Variants in BEND5 observed in about 807,000 individuals in gnomAD.
BEND5 encodes BEN domain-containing protein 5.
Under a neutral mutation model 43.9 loss-of-function variants are expected in BEND5, and 22 were observed. That is an observed-to-expected ratio of 0.50 (90% CI 0.36 to 0.72). The LOEUF is 0.72. Among genes scored for constraint, BEND5 ranks in the 30% least tolerant of loss-of-function variants. The pLI is 0.00. For synonymous variants in BEND5, 228 were observed against 225.9 expected, an observed-to-expected ratio of 1.01 and a Z score of -0.08; for missense variants, 428 against 550.6, an observed-to-expected ratio of 0.78 and a Z score of 2.23.
At chr1:48,729,848 A>T (rs1162903557) in intron 5 of BEND5, among the ~76,000 whole-genome samples, 2 of 151,990 alleles carry the variant, frequency 1.3e-5, no homozygotes, top group Admixed American at 6.6e-5. Context: ...ACTATTCCCA[A>T]GCCTGACTAA....
At chr1:48,748,342 T>C (rs972539010) in intron 3 of BEND5, among the ~76,000 whole-genome samples, 9 of 152,314 alleles carry the variant, frequency 5.9e-5, no homozygotes, top group Non-Finnish European at 1.5e-5. Context: ...GAGACAAATC[T>C]GGTTTCATTC....
chr1:48,742,304 T>C (rs1200534129), intron 4 of BEND5, among the ~76,000 whole-genome samples: 1 of 152,168 alleles, frequency 6.6e-6, no homozygotes, highest in Admixed American at 6.5e-5. Context: ...GTGGGACAAG[T>C]TTCATCAAAC....
At chr1:48,764,517 T>C (rs1465189582) in intron 1 of BEND5, among the ~76,000 whole-genome samples, 1 of 152,126 alleles carries the variant, frequency 6.6e-6, no homozygotes, top group African/African-American at 2.4e-5. Context: ...AAAATGGTTA[T>C]GAAAGATGGT....
chr1:48,753,822 T>G (rs1356692561), intron 3 of BEND5, among the ~76,000 whole-genome samples: 2 of 152,258 alleles, frequency 1.3e-5, no homozygotes, highest in African/African-American at 4.8e-5. Flanking sequence ...TGTGAATTAC[T>G]GTTATTACTC....
chr1:48,743,346 C>G (rs764423835), intron 3 of BEND5, among the ~76,000 whole-genome samples: 74 of 152,278 alleles, frequency 4.9e-4, no homozygotes, highest in Non-Finnish European at 9.0e-4. Context: ...TATTTTAATG[C>G]AATCAACACA....
At chr1:48,762,168 G>A (rs571182186) in intron 1 of BEND5, among the ~76,000 whole-genome samples, 2 of 152,328 alleles carry the variant, frequency 1.3e-5, no homozygotes, top group African/African-American at 4.8e-5. Flanking sequence ...CTGAGGAACA[G>A]CCGGGAGTGG....
rs531953642 is a variant in BEND5 at position 48,772,222 on chromosome 1, A to C, written c.226+4384T>G. ...AACAAGACATAAAATGCTACAATCC[A>C]TAAGCAAGGCAAAACCAAAGTGAAA... On this transcript the variant is annotated intron_variant, in intron 1 of 5. Coordinates refer to ENST00000371833, the MANE Select transcript of BEND5 (RefSeq NM_024603.4). Among the ~76,000 whole-genome samples the C allele has an allele frequency of 8.5e-4, 130 of 152,386 alleles. 1 individual carries two copies. Among genetic ancestry groups the C allele is most frequent in the African/African-American group, 2.8e-3 (117 of 41,594 alleles).
intron 1 of BEND5, among the ~76,000 whole-genome samples, chr1:48,775,533 T>C (rs139336722): frequency 2.7e-3 from 411 of 152,304 alleles, no homozygotes; most frequent in Non-Finnish European, 3.2e-3. Flanking sequence ...TTTGCCCACT[T>C]TAAGGTTCAT....
chr1:48,766,228 AAAG>A (rs1208003265), intron 1 of BEND5, among the ~76,000 whole-genome samples: 1 of 152,278 alleles, frequency 6.6e-6, no homozygotes, highest in East Asian at 1.9e-4. Flanking sequence ...TTTTTCCAAA[AAAG>A]AAGAAATGAG....
chr1:48,776,658 G>C lies in BEND5; in HGVS notation c.174C>G (p.Pro58=). ...GAGPESPPRA[P]RDWGALLLHK... is the part of the protein sequence containing the mutation. ...GGAGCAACAGCGCGCCCCAGTCGCGGGGGGCGCGCGGGGGGCTCTCGGGCC... is the reference window on the plus strand; with the variant it reads ...GGAGCAACAGCGCGCCCCAGTCGCGCGGGGCGCGCGGGGGGCTCTCGGGCC... Residue 58 remains proline (P), a synonymous_variant, in exon 1 of 6, where the codon CCC becomes CCG. Coordinates refer to ENST00000371833, the MANE Select transcript of BEND5 (RefSeq NM_024603.4). 6.7e-7 allele frequency: 1 copy of C among 1,493,816 alleles called. No individual in the cohort carries two copies. Among genetic ancestry groups the C allele is most frequent in the Middle Eastern group, 2.1e-4 (1 of 4,736 alleles). The allele number at this position is 1,493,816 out of a possible 1,614,324, so 92.5% of individuals were successfully genotyped here. A position where few individuals can be genotyped will look rare whatever the true frequency, so the allele number is the denominator to read the frequency against.
At chr1:48,742,519 G>T (rs1650073438) in intron 4 of BEND5, 104 bp downstream of exon 4, 2 of 1,223,962 alleles carry the variant, frequency 1.6e-6, no homozygotes, top group African/African-American at 1.6e-5. Context: ...AGGCCAGGAG[G>T]CCAACCAGTC....
At chr1:48,743,719 C>G (rs755616288) in intron 3 of BEND5, among the ~76,000 whole-genome samples, 7 of 152,194 alleles carry the variant, frequency 4.6e-5, no homozygotes, top group Non-Finnish European at 8.8e-5. Context: ...CTTCTCTTAT[C>G]CTAGCCATGT....
intron 3 of BEND5, among the ~76,000 whole-genome samples, chr1:48,743,179 G>A (rs1015013784): frequency 3.9e-5 from 6 of 152,242 alleles, no homozygotes; most frequent in South Asian, 2.1e-4. Flanking sequence ...GGAGAAGGCC[G>A]TAACAGAAGA....
intron 1 of BEND5, among the ~76,000 whole-genome samples, chr1:48,768,210 G>T (rs1644627428): frequency 6.6e-6 from 1 of 152,006 alleles, no homozygotes; most frequent in African/African-American, 2.4e-5. Flanking sequence ...TTCCTAAAGT[G>T]CCTGCCTTTC....
At chr1:48,729,860 C>T (rs1647820506) in intron 5 of BEND5, among the ~76,000 whole-genome samples, 1 of 151,576 alleles carries the variant, frequency 6.6e-6, no homozygotes, top group Non-Finnish European at 1.5e-5. Context: ...CCTGACTAAT[C>T]CTCACTTCAT....
chr1:48,761,324 A>C lies in BEND5; in HGVS notation c.360+13T>G. 6.5e-7 allele frequency: 1 copy of C among 1,541,340 alleles called. No individual in the cohort carries two copies. On this transcript the variant is annotated intron_variant, in intron 2 of 5. Coordinates refer to ENST00000371833, the MANE Select transcript of BEND5 (RefSeq NM_024603.4). ...CTCCAGCATACCTCCAAAGAAAGGA[A>C]AGATTTTGTTACCTTGATGTGTCTA...
intron 5 of BEND5, among the ~76,000 whole-genome samples, chr1:48,728,693 C>T (rs1647609501): frequency 6.6e-6 from 1 of 152,176 alleles, no homozygotes; most frequent in Non-Finnish European, 1.5e-5. Flanking sequence ...AGAAATTCTC[C>T]AGTATCAGCC....
At chr1:48,729,774 G>A (rs1384740120) in intron 5 of BEND5, among the ~76,000 whole-genome samples, 3 of 147,508 alleles carry the variant, frequency 2.0e-5, no homozygotes, top group Non-Finnish European at 4.4e-5. Context: ...TCTTTCCACC[G>A]AGAAGGGTTT....
intron 4 of BEND5, among the ~76,000 whole-genome samples, chr1:48,739,724 G>A (rs778404579): frequency 6.6e-6 from 1 of 152,198 alleles, no homozygotes; most frequent in Admixed American, 6.5e-5. Flanking sequence ...GTGTCAGGAG[G>A]ACACAGCAAC....
Sources: allele counts gnomAD v4.1 joint callset (sites outside exome capture counted in the v4.1 genomes callset), GRCh38; gene constraint gnomAD v4.1.1; transcripts MANE v1.5; gene names NCBI Gene and HGNC (gene_info 2026-07-23, HGNC 2026-07-21).